PLA2G4E: variants seen among roughly 807,000 people sequenced by gnomAD.
The protein encoded by PLA2G4E is phospholipase A2 group IVE, also known as cytosolic phospholipase A2 epsilon.
A neutral mutation model predicts 109.1 loss-of-function variants in PLA2G4E; 84 were observed. That is an observed-to-expected ratio of 0.77 (90% CI 0.65 to 0.92). PLA2G4E has a LOEUF of 0.92. Ranked by LOEUF, PLA2G4E falls within the 40% of genes least tolerant of loss-of-function variation. The pLI is 0.00. For missense variants in PLA2G4E, 1,057 were observed against 1,076.6 expected (o/e 0.98, Z 0.25); for synonymous variants, 469 against 436.1 (o/e 1.08, Z -0.94).
chr15:42,047,896 G>C (rs58770075), intron 1 of PLA2G4E, among the ~76,000 whole-genome samples: 14,328 of 152,180 alleles, frequency 0.094, 722 homozygotes, highest in South Asian at 0.19. Context: ...ATGCACAATA[G>C]AATATTATTT....
chr15:42,023,734 G>A (rs1007542028), intron 1 of PLA2G4E, among the ~76,000 whole-genome samples: 1 of 152,000 alleles, frequency 6.6e-6, no homozygotes, highest in Non-Finnish European at 1.5e-5. Context: ...ATTCCTCAAG[G>A]CCTCCTATTT....
chr15:42,029,390 C>T (rs1889076472), intron 1 of PLA2G4E, among the ~76,000 whole-genome samples: 1 of 152,202 alleles, frequency 6.6e-6, no homozygotes, highest in South Asian at 2.1e-4. Flanking sequence ...GCTACTGTGC[C>T]TGGCCCTTTT....
chr15:42,002,610 C>T (rs1291904894), intron 6 of PLA2G4E, 44 bp downstream of exon 6: 5 of 1,542,602 alleles, frequency 3.2e-6, no homozygotes, highest in Admixed American at 1.9e-5. Flanking sequence ...GAGCAGCAGC[C>T]AGCCGTGGCC....
intron 1 of PLA2G4E, among the ~76,000 whole-genome samples, chr15:42,037,321 G>A (rs569028417): frequency 2.0e-5 from 3 of 152,344 alleles, no homozygotes; most frequent in South Asian, 4.1e-4. Context: ...CAATGTGCGC[G>A]CACTTCCTCC....
At chr15:42,041,819 G>A (rs1035867470) in intron 1 of PLA2G4E, among the ~76,000 whole-genome samples, 11 of 152,146 alleles carry the variant, frequency 7.2e-5, no homozygotes, top group Admixed American at 2.6e-4. Flanking sequence ...TGGTCACCAG[G>A]TCCCTTTGCT....
intron 1 of PLA2G4E, among the ~76,000 whole-genome samples, chr15:42,029,733 T>C (rs73397844): frequency 0.032 from 4,937 of 152,224 alleles, 260 homozygotes; most frequent in African/African-American, 0.11. Flanking sequence ...ATCTGTAAAG[T>C]GGGAAGCATA....
intron 1 of PLA2G4E, among the ~76,000 whole-genome samples, chr15:42,027,940 T>C (rs1311771333): frequency 6.6e-6 from 1 of 150,508 alleles, no homozygotes; most frequent in African/African-American, 2.4e-5. Context: ...ATATGCTCAC[T>C]AATCTTGTTT....
chr15:42,024,895 G>A (rs1047353431), intron 1 of PLA2G4E, among the ~76,000 whole-genome samples: 3 of 152,134 alleles, frequency 2.0e-5, no homozygotes, highest in Non-Finnish European at 2.9e-5. Context: ...GAAATCAGTC[G>A]TGAAACTGTA....
chr15:42,026,145 T>A (rs375496996), intron 1 of PLA2G4E, among the ~76,000 whole-genome samples: 247 of 151,262 alleles, frequency 1.6e-3, no homozygotes, highest in African/African-American at 5.7e-3. Context: ...AAAATCACTT[T>A]AAAAAAAAAG....
intron 15 of PLA2G4E, among the ~76,000 whole-genome samples, chr15:41,988,760 G>C (rs538416815): frequency 5.6e-4 from 85 of 152,338 alleles, no homozygotes; most frequent in Non-Finnish European, 1.8e-4. Context: ...CATCAGCATA[G>C]GTGTTCAGGG....
At chr15:42,038,916 T>C (rs181264616) in intron 1 of PLA2G4E, among the ~76,000 whole-genome samples, 5 of 152,360 alleles carry the variant, frequency 3.3e-5, no homozygotes, top group East Asian at 1.9e-4. Context: ...AGAATTCCCA[T>C]TGGGCTATAC....
chr15:42,010,198 C>A (rs1322607308), intron 2 of PLA2G4E: 2 of 528,706 alleles, frequency 3.8e-6, no homozygotes, highest in Admixed American at 2.0e-5. Flanking sequence ...AGCCTGCAGG[C>A]AGGGTGCCAG....
intron 18 of PLA2G4E, 102 bp from the exon 19 acceptor site, chr15:41,984,721 C>G: frequency 9.0e-7 from 1 of 1,114,082 alleles, no homozygotes. Context: ...CAGCTAACAA[C>G]TCAGCTCCCC....
chr15:42,002,541 A>G (rs2068432397), intron 6 of PLA2G4E, 113 bp downstream of exon 6: 5 of 1,219,316 alleles, frequency 4.1e-6, no homozygotes, highest in Non-Finnish European at 5.9e-6. Flanking sequence ...TGCAGAGGTC[A>G]GGATAGGACA....
intron 1 of PLA2G4E, among the ~76,000 whole-genome samples, chr15:42,018,509 G>A (rs1006506522): frequency 7.9e-5 from 12 of 152,130 alleles, no homozygotes; most frequent in Non-Finnish European, 1.8e-4. Context: ...CCTTCATGAG[G>A]GCATTGGGAG....
intron 17 of PLA2G4E, 67 bp downstream of exon 17, chr15:41,987,105 G>A: frequency 1.3e-6 from 2 of 1,487,430 alleles, no homozygotes; most frequent in South Asian, 1.1e-5. Flanking sequence ...ATCCATGGCA[G>A]CCTTGACATC....
At chr15:42,016,241 CTTTTTTTTT>C (rs1168452228) in intron 1 of PLA2G4E, among the ~76,000 whole-genome samples, 2 of 104,686 alleles carry the variant, frequency 1.9e-5, no homozygotes, top group Admixed American at 1.0e-4. Flanking sequence ...TTTATCTTTA[CTTTTTTTTT>C]TTTTTTTTTT....
At chr15:41,989,605 C>T in intron 14 of PLA2G4E, 53 bp from the exon 15 acceptor site, 1 of 1,564,532 alleles carries the variant, frequency 6.4e-7, no homozygotes, top group Non-Finnish European at 8.7e-7. Context: ...GAGCCGTCCA[C>T]ACAGCCGGGC....
intron 11 of PLA2G4E, among the ~76,000 whole-genome samples, chr15:41,996,282 A>G (rs1445031997): frequency 7.6e-6 from 1 of 132,384 alleles, no homozygotes; most frequent in Non-Finnish European, 1.6e-5. Context: ...TGGGAGGTGG[A>G]GGCTGCAGTG....
Sources: gnomAD v4.1 joint callset for allele counts (sites outside exome capture counted in the v4.1 genomes callset) on GRCh38, gnomAD v4.1.1 for gene constraint, MANE v1.5 for transcripts, NCBI Gene and HGNC (gene_info 2026-07-23, HGNC 2026-07-21) for gene names.